Variants in PDE1A observed in about 807,000 individuals in gnomAD.
PDE1A encodes the protein dual specificity calcium/calmodulin-dependent 3',5'-cyclic nucleotide phosphodiesterase 1A.
In PDE1A, 35 loss-of-function variants were observed where a neutral mutation model predicts 61.7. The observed-to-expected ratio is 0.57, with a 90% CI of 0.43 to 0.75. The LOEUF (loss-of-function observed/expected upper bound fraction) is 0.75, where lower values mean the gene tolerates loss of function less well. PDE1A is among the 30% of genes least tolerant of loss of function. The pLI, the probability that PDE1A is intolerant of heterozygous loss-of-function variation, is 0.00. For missense variants in PDE1A, 597 were observed against 630.6 expected (o/e 0.95, Z 0.57); for synonymous variants, 232 against 213.2 (o/e 1.09, Z -0.77).
At chr2:182,568,692 GT>G in the PDE1A span, among the ~76,000 whole-genome samples, 3 of 152,014 alleles carry the variant, frequency 2.0e-5, no homozygotes, top group Non-Finnish European at 4.4e-5. Context: ...ATAACACAGA[GT>G]AGGTACATAT....
chr2:182,237,724 G>C (rs1431140458), intron 3 of PDE1A, among the ~76,000 whole-genome samples: 1 of 152,192 alleles, frequency 6.6e-6, no homozygotes, highest in Non-Finnish European at 1.5e-5. Context: ...GATCCGGGAA[G>C]ACCTCTGGAA....
chr2:182,284,727 CT>C (rs904662008), intron 1 of PDE1A, among the ~76,000 whole-genome samples: 1 of 151,978 alleles, frequency 6.6e-6, no homozygotes, highest in African/African-American at 2.4e-5. Flanking sequence ...AATTTTTAAT[CT>C]TTTCTTTATG....
intron 8 of PDE1A, among the ~76,000 whole-genome samples, chr2:182,202,428 ATACTT>A (rs1472025957): frequency 2.0e-5 from 3 of 152,214 alleles, no homozygotes; most frequent in African/African-American, 7.2e-5. Flanking sequence ...CGATAATAAA[ATACTT>A]TAGCAACTAG....
the PDE1A span, among the ~76,000 whole-genome samples, chr2:182,658,962 T>C: frequency 6.6e-6 from 1 of 152,188 alleles, no homozygotes; most frequent in East Asian, 1.9e-4. Context: ...GCCATCATAC[T>C]ATTGACAGGG....
intron 10 of PDE1A, among the ~76,000 whole-genome samples, chr2:182,200,601 C>G (rs899724081): frequency 6.6e-6 from 1 of 152,164 alleles, no homozygotes; most frequent in Non-Finnish European, 1.5e-5. Flanking sequence ...TTGGCTCTGC[C>G]TGGATTGTAT....
At chr2:182,151,354 C>G (rs1211383280) in intron 13 of PDE1A, among the ~76,000 whole-genome samples, 1 of 152,190 alleles carries the variant, frequency 6.6e-6, no homozygotes, top group Non-Finnish European at 1.5e-5. Flanking sequence ...ATCCACCTGC[C>G]TTGGCCTCCC....
intron 1 of PDE1A, among the ~76,000 whole-genome samples, chr2:182,335,487 TG>T (rs1231437804): frequency 6.6e-6 from 1 of 152,196 alleles, no homozygotes; most frequent in African/African-American, 2.4e-5. Flanking sequence ...TTCTGATCTT[TG>T]ACAACCCTGA....
At chr2:182,591,737 G>C in the PDE1A span, among the ~76,000 whole-genome samples, 1 of 152,166 alleles carries the variant, frequency 6.6e-6, no homozygotes, top group African/African-American at 2.4e-5. Context: ...AGGAGGTTGA[G>C]AGGCAAAATC....
Position 182,331,038 on chromosome 2 carries a change from A to G in PDE1A, c.54-66624T>C, listed in dbSNP as rs374389686. Reference sequence around the variant, plus strand: ...GAGGTACCTTTTTACCTGCTCACTGAACATCTCCACCAAGGGGGCTGTGAA... The same window carrying G: ...GAGGTACCTTTTTACCTGCTCACTGGACATCTCCACCAAGGGGGCTGTGAA... On this transcript the variant is annotated intron_variant, in intron 1 of 13. Transcript: ENST00000351439. Among the ~76,000 whole-genome samples the G allele has an allele frequency of 1.2e-4, 18 of 152,224 alleles. No individual in the cohort carries two copies. The East Asian group carries it at 3.3e-3, about 28-fold the overall frequency.
chr2:182,312,116 C>T (rs1237882338), intron 1 of PDE1A, among the ~76,000 whole-genome samples: 1 of 151,752 alleles, frequency 6.6e-6, no homozygotes, highest in Non-Finnish European at 1.5e-5. Context: ...AATTTTTTTC[C>T]CATTTTTAGT....
intron 1 of PDE1A, chr2:182,522,429 G>A: frequency 6.2e-7 from 1 of 1,610,128 alleles, no homozygotes; most frequent in Non-Finnish European, 8.5e-7. Context: ...GCTAGAACAA[G>A]CATTCCTCAG....
chr2:182,695,855 C>T, the PDE1A span, among the ~76,000 whole-genome samples: 12 of 152,038 alleles, frequency 7.9e-5, no homozygotes, highest in African/African-American at 2.9e-4. Context: ...GGCAAGTAAG[C>T]ATATGAAAAG....
At chr2:182,371,769 C>T (rs1254291175) in intron 1 of PDE1A, among the ~76,000 whole-genome samples, 2 of 152,018 alleles carry the variant, frequency 1.3e-5, no homozygotes, top group African/African-American at 2.4e-5. Context: ...AAATGACCTA[C>T]AAAATGAATT....
chr2:182,621,193 C>A, the PDE1A span, among the ~76,000 whole-genome samples: 1 of 152,156 alleles, frequency 6.6e-6, no homozygotes, highest in Non-Finnish European at 1.5e-5. Context: ...GTTCTACAAA[C>A]TTCTCATATC....
At chr2:182,182,133 G>A (rs563779421) in intron 13 of PDE1A, among the ~76,000 whole-genome samples, 221 of 152,250 alleles carry the variant, frequency 1.5e-3, no homozygotes, top group Middle Eastern at 3.4e-3. Context: ...CAAAATTGTC[G>A]AGAAGTATGG....
chr2:182,517,578 G>C (rs1690289173), intron 2 of PDE1A, among the ~76,000 whole-genome samples: 1 of 152,222 alleles, frequency 6.6e-6, no homozygotes, highest in South Asian at 2.1e-4. Context: ...AAAAGCTGTG[G>C]TTGAATAGGG....
intron 2 of PDE1A, among the ~76,000 whole-genome samples, chr2:182,246,402 TTTC>T (rs374150338): frequency 0.48 from 39,618 of 82,118 alleles, 7,695 homozygotes; most frequent in East Asian, 0.61. Context: ...TTCTTTTTTC[TTTC>T]TTTTTTTTTT....
chr2:182,445,455 A>G (rs1002986721), intron 2 of PDE1A, among the ~76,000 whole-genome samples: 11 of 152,116 alleles, frequency 7.2e-5, no homozygotes, highest in African/African-American at 2.2e-4. Context: ...TATTTTTTCT[A>G]GGTTCCACGG....
chr2:182,571,415 C>T, the PDE1A span, among the ~76,000 whole-genome samples: 1 of 152,030 alleles, frequency 6.6e-6, no homozygotes, highest in African/African-American at 2.4e-5. Flanking sequence ...TTACCACAAA[C>T]TTTGAGACTT....
Sources: allele counts gnomAD v4.1 joint callset (sites outside exome capture counted in the v4.1 genomes callset), GRCh38; gene constraint gnomAD v4.1.1; transcripts MANE v1.5; gene names NCBI Gene and HGNC (gene_info 2026-07-23, HGNC 2026-07-21).